Variants in KIAA0825 observed in about 807,000 individuals in gnomAD.
KIAA0825 encodes the protein uncharacterized protein KIAA0825.
In KIAA0825, 119 loss-of-function variants were observed where a neutral mutation model predicts 147.6. That is an observed-to-expected ratio of 0.81 (90% CI 0.69 to 0.94). The LOEUF is 0.94. Among genes scored for constraint, KIAA0825 ranks in the 40% least tolerant of loss-of-function variants. The probability of loss-of-function intolerance (pLI) is 0.00; values close to 1 mark genes in which losing one functional copy is unlikely to be tolerated. For synonymous variants in KIAA0825, 470 were observed against 518.1 expected, an observed-to-expected ratio of 0.91 and a Z score of 1.26; for missense variants, 1,381 against 1,472.7, an observed-to-expected ratio of 0.94 and a Z score of 1.02.
chr5:94,256,739 G>T (rs1236048825), intron 20 of KIAA0825, among the ~76,000 whole-genome samples: 1 of 152,122 alleles, frequency 6.6e-6, no homozygotes, highest in Non-Finnish European at 1.5e-5. Context: ...AACCTAGGAG[G>T]CTTCCAGGGG....
chr5:94,319,917 C>A (rs1357992760), intron 20 of KIAA0825, among the ~76,000 whole-genome samples: 8 of 151,932 alleles, frequency 5.3e-5, no homozygotes, highest in African/African-American at 1.9e-4. Context: ...GACCTCCTCT[C>A]CTTTGTCTCT....
intron 5 of KIAA0825, among the ~76,000 whole-genome samples, chr5:94,488,998 T>C (rs1763391005): frequency 6.6e-6 from 1 of 152,240 alleles, no homozygotes; most frequent in African/African-American, 2.4e-5. Context: ...TGCTCTGGAT[T>C]CCTCTACAAC....
chr5:94,400,996 C>A (rs578175415), intron 16 of KIAA0825, among the ~76,000 whole-genome samples: 1 of 151,704 alleles, frequency 6.6e-6, no homozygotes, highest in African/African-American at 2.4e-5. Context: ...TTTTTAAAGA[C>A]CTTTAAACAT....
intron 20 of KIAA0825, among the ~76,000 whole-genome samples, chr5:94,205,299 A>ATATATATATTTTTTTT (rs1254935243): frequency 7.3e-6 from 1 of 137,912 alleles, no homozygotes; most frequent in African/African-American, 2.8e-5. Context: ...ATATATATAT[A>ATATATATATTTTTTTT]TTTTGTTTTG....
chr5:94,383,068 C>T (rs1326050360), intron 20 of KIAA0825, among the ~76,000 whole-genome samples: 1 of 152,168 alleles, frequency 6.6e-6, no homozygotes, highest in Non-Finnish European at 1.5e-5. Context: ...TCTCCTCCAC[C>T]AACCCCTCCT....
intron 20 of KIAA0825, among the ~76,000 whole-genome samples, chr5:94,266,847 G>A (rs1388368609): frequency 1.3e-5 from 2 of 152,098 alleles, no homozygotes; most frequent in African/African-American, 4.8e-5. Context: ...AATGATAAAT[G>A]TTAATCAAAA....
At chr5:94,529,369 GTATATATCTCATATATGTATATATCATA>G (rs1770247861) in intron 3 of KIAA0825, among the ~76,000 whole-genome samples, 1 of 115,520 alleles carries the variant, frequency 8.7e-6, no homozygotes, top group Non-Finnish European at 1.9e-5. Context: ...TATCATATAT[GTATATATCTCATATATGTATATATCATA>G]TGTATATCTC....
intron 12 of KIAA0825, among the ~76,000 whole-genome samples, chr5:94,461,085 T>C (rs1759758260): frequency 6.6e-6 from 1 of 151,980 alleles, no homozygotes; most frequent in Non-Finnish European, 1.5e-5. Flanking sequence ...TTTCAGTACT[T>C]GCATAGTTGT....
intron 20 of KIAA0825, among the ~76,000 whole-genome samples, chr5:94,194,579 T>G (rs1770965180): frequency 6.6e-6 from 1 of 152,188 alleles, no homozygotes; most frequent in Non-Finnish European, 1.5e-5. Context: ...TGGCCACCCA[T>G]CTGTCTCTGT....
At chr5:94,396,583 A>C (rs1051031706) in intron 16 of KIAA0825, 74 bp from the exon 17 acceptor site, 6 of 1,211,034 alleles carry the variant, frequency 5.0e-6, no homozygotes, top group Non-Finnish European at 6.6e-6. Flanking sequence ...GTGTTGTATA[A>C]GGATGTCTAA....
chr5:94,608,464 T>TGGG (rs1168359016), intron 1 of KIAA0825, among the ~76,000 whole-genome samples: 1 of 18,330 alleles, frequency 5.5e-5, no homozygotes, highest in Non-Finnish European at 9.6e-5. Context: ...TATATATATA[T>TGGG]TATATATATA....
chr5:94,472,688 G>A (rs1202000990), intron 8 of KIAA0825, among the ~76,000 whole-genome samples: 1 of 152,122 alleles, frequency 6.6e-6, no homozygotes, highest in Non-Finnish European at 1.5e-5. Context: ...AGCTTGCAGT[G>A]AGCCGAGATC....
rs191471245 is a variant in KIAA0825 at position 94,289,828 on chromosome 5, C to T, written c.3710+94540G>A. 2.3e-3 allele frequency among the ~76,000 whole-genome samples: 346 copies of T among 151,632 alleles called. 2 individuals carry two copies. The highest frequency in any genetic ancestry group is 7.9e-3 in the African/African-American group (327 of 41,280). ...GCTGAGGCAGGAAGATCACTTGAGCCCAGGAGTTTGAGAGCAGCCAGGGCA... is the reference window on the plus strand; with the variant it reads ...GCTGAGGCAGGAAGATCACTTGAGCTCAGGAGTTTGAGAGCAGCCAGGGCA... On this transcript the variant is annotated intron_variant, in intron 20 of 20. Coordinates refer to ENST00000682413, the MANE Select transcript of KIAA0825 (RefSeq NM_001145678.3).
chr5:94,495,406 C>A (rs928259793), intron 5 of KIAA0825, among the ~76,000 whole-genome samples: 3 of 152,182 alleles, frequency 2.0e-5, no homozygotes, highest in Non-Finnish European at 4.4e-5. Flanking sequence ...CAGACATTAT[C>A]TTTTTCCTCC....
At chr5:94,520,110 A>G in intron 5 of KIAA0825, 138 bp downstream of exon 5, 1 of 1,216,978 alleles carries the variant, frequency 8.2e-7, no homozygotes, top group South Asian at 2.9e-5. Context: ...TGAGAAATGT[A>G]TACTGCAAAA....
intron 20 of KIAA0825, among the ~76,000 whole-genome samples, chr5:94,351,201 G>A (rs1783628485): frequency 2.0e-5 from 3 of 152,166 alleles, no homozygotes; most frequent in Admixed American, 1.3e-4. Flanking sequence ...AGCTCCTAGA[G>A]CTGATAAAAG....
At chr5:94,539,681 G>C (rs1772882358) in intron 2 of KIAA0825, among the ~76,000 whole-genome samples, 1 of 152,154 alleles carries the variant, frequency 6.6e-6, no homozygotes. Flanking sequence ...ACTTAGGGGA[G>C]TCAGAGTCTC....
intron 1 of KIAA0825, among the ~76,000 whole-genome samples, chr5:94,592,139 TAACTC>T (rs1357248923): frequency 6.6e-6 from 1 of 152,174 alleles, no homozygotes; most frequent in African/African-American, 2.4e-5. Flanking sequence ...CCCAAAGTCT[TAACTC>T]ATTTCAGCAT....
intron 1 of KIAA0825, among the ~76,000 whole-genome samples, chr5:94,585,164 C>A (rs867920837): frequency 6.6e-6 from 1 of 152,094 alleles, no homozygotes; most frequent in African/African-American, 2.4e-5. Context: ...AGCATCATAA[C>A]GACAGGATCA....
Sources: gnomAD v4.1 joint callset for allele counts (sites outside exome capture counted in the v4.1 genomes callset) on GRCh38, gnomAD v4.1.1 for gene constraint, MANE v1.5 for transcripts, NCBI Gene and HGNC (gene_info 2026-07-23, HGNC 2026-07-21) for gene names.